TECRL: variants seen among roughly 807,000 people sequenced by gnomAD.
TECRL encodes trans-2,3-enoyl-CoA reductase like.
TECRL carries 63 observed loss-of-function variants against 52.8 expected under a neutral mutation model. The observed-to-expected ratio is 1.19, with a 90% CI of 0.97 to 1.47. The LOEUF is 1.47. TECRL is among the 40% of genes most tolerant of loss of function. TECRL has a pLI of 0.00. For synonymous variants in TECRL, 164 were observed against 141.9 expected (o/e 1.16, Z -1.10); for missense variants, 482 against 429.6 (o/e 1.12, Z -1.08).
At chr4:64,287,016 A>G (rs1197967507) in intron 9 of TECRL, among the ~76,000 whole-genome samples, 3 of 152,122 alleles carry the variant, frequency 2.0e-5, no homozygotes, top group Admixed American at 1.3e-4. Flanking sequence ...TGTGATTCAC[A>G]TGCATCCAAA....
At chr4:64,399,570 A>G (rs12640298) in intron 1 of TECRL, among the ~76,000 whole-genome samples, 97,371 of 151,992 alleles carry the variant, frequency 0.64, 32,482 homozygotes, top group Non-Finnish European at 0.74. Context: ...GGCCTGGGAG[A>G]ACAGAATGGT....
At chr4:64,405,571 C>T (rs1724652705) in intron 1 of TECRL, among the ~76,000 whole-genome samples, 1 of 152,034 alleles carries the variant, frequency 6.6e-6, no homozygotes, top group South Asian at 2.1e-4. Context: ...GGTAAACATC[C>T]AGATAGCTCA....
At chr4:64,395,889 A>G (rs892549304) in intron 1 of TECRL, among the ~76,000 whole-genome samples, 3 of 152,020 alleles carry the variant, frequency 2.0e-5, no homozygotes, top group African/African-American at 4.8e-5. Context: ...TATGTAATCA[A>G]TGTTTAGATC....
chr4:64,333,652 A>C (rs865930663), intron 2 of TECRL, among the ~76,000 whole-genome samples: 4 of 152,292 alleles, frequency 2.6e-5, no homozygotes, highest in East Asian at 3.9e-4. Flanking sequence ...TTTAGGAAGA[A>C]TGCACAAAAC....
chr4:64,322,201 A>G (rs1717947453), intron 4 of TECRL, among the ~76,000 whole-genome samples: 1 of 152,050 alleles, frequency 6.6e-6, no homozygotes, highest in South Asian at 2.1e-4. Flanking sequence ...GTCCCTCCCT[A>G]GTACATGTTT....
At chr4:64,379,027 A>T (rs942972929) in intron 1 of TECRL, among the ~76,000 whole-genome samples, 6 of 151,958 alleles carry the variant, frequency 3.9e-5, no homozygotes, top group African/African-American at 1.4e-4. Flanking sequence ...TATTGCAATA[A>T]CAATTTGGTT....
intron 6 of TECRL, among the ~76,000 whole-genome samples, chr4:64,308,905 A>C (rs1467107358): frequency 6.6e-6 from 1 of 152,232 alleles, no homozygotes; most frequent in East Asian, 1.9e-4. Flanking sequence ...TGAATTACTA[A>C]AAATAAAACA....
chr4:64,324,050 A>G (rs1427232237), intron 3 of TECRL, among the ~76,000 whole-genome samples: 1 of 152,146 alleles, frequency 6.6e-6, no homozygotes, highest in East Asian at 1.9e-4. Flanking sequence ...AAACACACTA[A>G]GGTTTCCAGT....
chr4:64,299,536 T>A (rs1723882253), intron 8 of TECRL, among the ~76,000 whole-genome samples: 1 of 151,080 alleles, frequency 6.6e-6, no homozygotes, highest in Non-Finnish European at 1.5e-5. Flanking sequence ...CTAAAGAAAT[T>A]GAATGAGAAC....
intron 1 of TECRL, among the ~76,000 whole-genome samples, chr4:64,408,864 A>C (rs1430573147): frequency 6.6e-6 from 1 of 152,140 alleles, no homozygotes; most frequent in Non-Finnish European, 1.5e-5. Context: ...GACAGCATAA[A>C]ATTCACAGAC....
chr4:64,288,689 T>G (rs1404370816), intron 9 of TECRL, among the ~76,000 whole-genome samples: 1 of 152,128 alleles, frequency 6.6e-6, no homozygotes, highest in African/African-American at 2.4e-5. Flanking sequence ...AAAAAGGTCA[T>G]GGTCACTGTT....
At chr4:64,315,340 T>A (rs1717423782) in intron 4 of TECRL, among the ~76,000 whole-genome samples, 2 of 152,020 alleles carry the variant, frequency 1.3e-5, no homozygotes, top group Non-Finnish European at 2.9e-5. Context: ...TGAGTGGGGG[T>A]AACCATATTT....
chr4:64,373,398 T>C (rs1259620735), intron 2 of TECRL, among the ~76,000 whole-genome samples: 3 of 151,838 alleles, frequency 2.0e-5, no homozygotes, highest in Non-Finnish European at 4.4e-5. Flanking sequence ...CTATCTACTT[T>C]TGCAACAGGA....
At chr4:64,364,514 T>A (rs1488880162) in intron 2 of TECRL, among the ~76,000 whole-genome samples, 1 of 151,898 alleles carries the variant, frequency 6.6e-6, no homozygotes, top group Admixed American at 6.6e-5. Context: ...GATGGCTAGC[T>A]AGATAATGAA....
At chr4:64,389,483 G>GAT (rs1723404398) in intron 1 of TECRL, among the ~76,000 whole-genome samples, 1 of 151,894 alleles carries the variant, frequency 6.6e-6, no homozygotes, top group African/African-American at 2.4e-5. Context: ...GGTTGCAAAG[G>GAT]ATACTTCTTT....
chr4:64,338,584 A>G (rs975546315), intron 2 of TECRL, among the ~76,000 whole-genome samples: 1 of 152,174 alleles, frequency 6.6e-6, no homozygotes, highest in African/African-American at 2.4e-5. Flanking sequence ...ACAAATTTAC[A>G]TGAAAAAAAC....
At chr4:64,297,156 G>A (rs2109966121) in intron 8 of TECRL, among the ~76,000 whole-genome samples, 1 of 151,424 alleles carries the variant, frequency 6.6e-6, no homozygotes, top group East Asian at 1.9e-4. Context: ...TGCTTAATAT[G>A]TTAGAAAACT....
In TECRL at chr4:64,278,345, T is replaced by G. The variant is rs1722652058; in HGVS notation, c.*1727A>C. 5.5e-6 allele frequency: 1 copy of G among 181,678 alleles called. No homozygotes were observed. The highest frequency in any genetic ancestry group is 1.0e-5 in the Non-Finnish European group (1 of 95,266). 11.3% of individuals were successfully genotyped at this position (181,678 alleles called of 1,614,324 possible). On this transcript the variant is annotated 3_prime_UTR_variant, in exon 12 of 12. Coordinates refer to ENST00000381210, the MANE Select transcript of TECRL (RefSeq NM_001010874.5). ...ATTTGAACTAATGACATAATACCTATGACACATCTCACTAACAGATTGAAC... is the reference window on the plus strand; with the variant it reads ...ATTTGAACTAATGACATAATACCTAGGACACATCTCACTAACAGATTGAAC...
chr4:64,302,369 A>T (rs1430241694), intron 7 of TECRL, among the ~76,000 whole-genome samples: 1 of 151,376 alleles, frequency 6.6e-6, no homozygotes, highest in Non-Finnish European at 1.5e-5. Context: ...AAGGAGTGGG[A>T]AAAAGACCAG....
Sources: allele counts gnomAD v4.1 joint callset (sites outside exome capture counted in the v4.1 genomes callset), GRCh38; gene constraint gnomAD v4.1.1; transcripts MANE v1.5; gene names NCBI Gene and HGNC (gene_info 2026-07-23, HGNC 2026-07-21).